ROBO2: variants seen among roughly 807,000 people sequenced by gnomAD.
The protein encoded by ROBO2 is roundabout guidance receptor 2.
Under a neutral mutation model 160.8 loss-of-function variants are expected in ROBO2, and 53 were observed. The ratio of observed to expected loss-of-function variants is 0.33; its 90% CI spans 0.26 to 0.41. The LOEUF is 0.41. Among genes scored for constraint, ROBO2 ranks in the 10% least tolerant of loss-of-function variants. The pLI, the probability that ROBO2 is intolerant of heterozygous loss-of-function variation, is 1.00. For synonymous variants in ROBO2, 664 were observed against 611.7 expected (o/e 1.09, Z -1.26); for missense variants, 1,577 against 1,722.4 (o/e 0.92, Z 1.49).
chr3:77,188,081 T>C (rs778870796), intron 2 of ROBO2, among the ~76,000 whole-genome samples: 3 of 143,398 alleles, frequency 2.1e-5, no homozygotes, highest in Non-Finnish European at 4.4e-5. Flanking sequence ...AAGTCCTAGA[T>C]CTATTATGTC....
At chr3:77,003,178 A>G (rs1393768479) in intron 2 of ROBO2, among the ~76,000 whole-genome samples, 4 of 152,328 alleles carry the variant, frequency 2.6e-5, no homozygotes, top group Non-Finnish European at 4.4e-5. Context: ...ACTTGGAAGC[A>G]ATAACCTTCA....
Position 77,486,341 on chromosome 3 carries a change from A to C in ROBO2, c.667+5122A>C, listed in dbSNP as rs557540596. 3.7e-4 allele frequency among the ~76,000 whole-genome samples: 56 copies of C among 152,308 alleles called. 4 individuals carry two copies. The South Asian group carries it at 0.012, about 32-fold the overall frequency. On this transcript the variant is annotated intron_variant, in intron 4 of 25. Coordinates refer to ENST00000461745, the Ensembl canonical transcript of ROBO2. ...TTCTAGATCCTTGAGGAATCACCACACTGTCTTCCACAACAGTTGAACTAA... is the reference window on the plus strand; with the variant it reads ...TTCTAGATCCTTGAGGAATCACCACCCTGTCTTCCACAACAGTTGAACTAA...
At chr3:77,290,025 A>G (rs1238697960) in intron 2 of ROBO2, among the ~76,000 whole-genome samples, 1 of 151,804 alleles carries the variant, frequency 6.6e-6, no homozygotes, top group African/African-American at 2.4e-5. Context: ...GACATAAAGT[A>G]AAATTGACGA....
At chr3:76,775,123 T>A (rs147294263) in intron 2 of ROBO2, among the ~76,000 whole-genome samples, 32 of 150,908 alleles carry the variant, frequency 2.1e-4, no homozygotes, top group African/African-American at 7.2e-4. Flanking sequence ...TCTTATTATG[T>A]CTATTCGATT....
intron 2 of ROBO2, among the ~76,000 whole-genome samples, chr3:76,287,964 G>GAA (rs1382800284): frequency 6.6e-6 from 1 of 152,062 alleles, no homozygotes; most frequent in Non-Finnish European, 1.5e-5. Flanking sequence ...TAGGCTAGAA[G>GAA]AAAAAAATAA....
At chr3:75,928,899 T>TTAGACTTAAACCGTTCATTGAATAAGAA (rs1559759101) in intron 1 of ROBO2, among the ~76,000 whole-genome samples, 2 of 112,696 alleles carry the variant, frequency 1.8e-5, no homozygotes, top group African/African-American at 7.8e-5. Flanking sequence ...TGTGTGTGTG[T>TTAGACTTAAACCGTTCATTGAATAAGAA]GTGATAGCTG....
intron 2 of ROBO2, among the ~76,000 whole-genome samples, chr3:76,828,933 CTT>C (rs2066822486): frequency 6.6e-6 from 1 of 152,034 alleles, no homozygotes; most frequent in Non-Finnish European, 1.5e-5. Flanking sequence ...AACTCACACT[CTT>C]TGCCTACCTC....
chr3:77,085,527 A>G (rs927437781), intron 1 of ROBO2, among the ~76,000 whole-genome samples: 2 of 152,072 alleles, frequency 1.3e-5, no homozygotes, highest in Admixed American at 6.6e-5. Context: ...CAGTTTGGCC[A>G]ACTGTGAAAA....
chr3:76,956,636 A>T (rs1302149427), intron 2 of ROBO2, among the ~76,000 whole-genome samples: 1 of 152,028 alleles, frequency 6.6e-6, no homozygotes, highest in Non-Finnish European at 1.5e-5. Flanking sequence ...AAGGAACCAT[A>T]CAAACCTGTG....
chr3:77,345,942 T>C (rs1391221134), intron 2 of ROBO2, among the ~76,000 whole-genome samples: 1 of 152,192 alleles, frequency 6.6e-6, no homozygotes, highest in African/African-American at 2.4e-5. Context: ...GCGGCTAAGA[T>C]GGTACATCCA....
At chr3:76,550,340 A>T (rs908733937) in intron 2 of ROBO2, among the ~76,000 whole-genome samples, 37 of 111,324 alleles carry the variant, frequency 3.3e-4, no homozygotes, top group African/African-American at 9.5e-4. Context: ...CATGTAGCCA[A>T]TAAAAGTAGT....
intron 1 of ROBO2, among the ~76,000 whole-genome samples, chr3:75,929,226 C>T (rs563905243): frequency 6.7e-6 from 1 of 149,216 alleles, no homozygotes; most frequent in South Asian, 2.1e-4. Context: ...AGACTTAAAC[C>T]GTTCATTGAA....
intron 2 of ROBO2, among the ~76,000 whole-genome samples, chr3:76,531,614 C>G (rs1357611777): frequency 7.1e-6 from 1 of 140,024 alleles, no homozygotes; most frequent in Non-Finnish European, 1.5e-5. Flanking sequence ...TTTGTTTGTA[C>G]AGTTTCTTTT....
In ROBO2 at chr3:77,047,863, G is replaced by A. The variant is rs554679862; in HGVS notation, c.61+7017G>A. Among the ~76,000 whole-genome samples, 431 of 151,696 alleles carry A rather than the reference G, an allele frequency of 2.8e-3. 6 individuals carry two copies. Among genetic ancestry groups the A allele is most frequent in the African/African-American group, 9.7e-3 (401 of 41,384 alleles). On this transcript the variant is annotated intron_variant, in intron 1 of 25. Transcript: ENST00000461745. ...TCGAGACTATCCTGGCTAATACGGCGAAACCCTGTCTCTACTAAAAATACA... is the reference window on the plus strand; with the variant it reads ...TCGAGACTATCCTGGCTAATACGGCAAAACCCTGTCTCTACTAAAAATACA...
At chr3:76,885,157 A>G (rs1056197984) in intron 2 of ROBO2, among the ~76,000 whole-genome samples, 1 of 152,210 alleles carries the variant, frequency 6.6e-6, no homozygotes, top group African/African-American at 2.4e-5. Flanking sequence ...AGGTTTATAT[A>G]AGCAAGCCAT....
intron 2 of ROBO2, among the ~76,000 whole-genome samples, chr3:76,986,600 AAC>A (rs1175650463): frequency 6.6e-6 from 1 of 152,148 alleles, no homozygotes; most frequent in South Asian, 2.1e-4. Context: ...ATTTTTAAAA[AAC>A]AGATTCTTTT....
chr3:76,817,961 G>T (rs527756580), intron 2 of ROBO2, among the ~76,000 whole-genome samples: 1 of 151,290 alleles, frequency 6.6e-6, no homozygotes, highest in Non-Finnish European at 1.5e-5. Flanking sequence ...TACTATAAAC[G>T]TGTGTGCAAG....
At chr3:76,594,392 A>G (rs1333549010) in intron 2 of ROBO2, among the ~76,000 whole-genome samples, 1 of 152,052 alleles carries the variant, frequency 6.6e-6, no homozygotes, top group Non-Finnish European at 1.5e-5. Context: ...TTGGGTTATC[A>G]GAAAGGAAAA....
chr3:75,974,938 T>C (rs1241687106), intron 2 of ROBO2, among the ~76,000 whole-genome samples: 1 of 151,602 alleles, frequency 6.6e-6, no homozygotes, highest in African/African-American at 2.4e-5. Context: ...ATTGATGAGC[T>C]TTATTTTATT....
Sources: gnomAD v4.1 joint callset for allele counts (sites outside exome capture counted in the v4.1 genomes callset) on GRCh38, gnomAD v4.1.1 for gene constraint, MANE v1.5 for transcripts, NCBI Gene and HGNC (gene_info 2026-07-23, HGNC 2026-07-21) for gene names.